The following CYP46A1 variants were observed in gnomAD, a reference collection of about 807,000 sequenced individuals.
CYP46A1 encodes cholesterol 24-hydroxylase.
Under a neutral mutation model 63.3 loss-of-function variants are expected in CYP46A1, and 20 were observed. That is an observed-to-expected ratio of 0.32 (90% CI 0.22 to 0.46). The LOEUF (loss-of-function observed/expected upper bound fraction) is 0.46. CYP46A1 is among the 20% of genes least tolerant of loss of function. The pLI, the probability that CYP46A1 is intolerant of heterozygous loss-of-function variation, is 1.00. For synonymous variants in CYP46A1, 268 were observed against 273.6 expected (o/e 0.98, Z 0.20); for missense variants, 445 against 670.8 (o/e 0.66, Z 3.72).
At chr14:99,711,599 C>T (rs1008266472) in intron 7 of CYP46A1, 1 of 152,062 alleles carries the variant, frequency 6.6e-6, no homozygotes, top group African/African-American at 2.4e-5. Context: ...AAAACCTGAA[C>T]AGACCAATGG....
intron 9 of CYP46A1, among the ~76,000 whole-genome samples, chr14:99,717,445 C>T (rs1422102140): frequency 6.6e-6 from 1 of 152,158 alleles, no homozygotes; most frequent in African/African-American, 2.4e-5. Flanking sequence ...TTCTCCCACC[C>T]TGCTCCCAGG....
intron 9 of CYP46A1, 84 bp downstream of exon 9, chr14:99,716,283 G>C: frequency 6.7e-7 from 1 of 1,482,916 alleles, no homozygotes; most frequent in Non-Finnish European, 9.4e-7. Context: ...AACTCTTTGG[G>C]ATTTTTTGGG....
At chr14:99,717,371 G>A (rs892883136) in intron 9 of CYP46A1, among the ~76,000 whole-genome samples, 1 of 152,254 alleles carries the variant, frequency 6.6e-6, no homozygotes, top group East Asian at 1.9e-4. Flanking sequence ...AACTGAGGCC[G>A]AGGAGGGAAG....
chr14:99,691,212 A>G, intron 2 of CYP46A1, 51 bp downstream of exon 2: 1 of 1,582,848 alleles, frequency 6.3e-7, no homozygotes, highest in Non-Finnish European at 8.7e-7. Context: ...CCCTTGGGGC[A>G]GCTCCCCCAA....
chr14:99,700,101 G>A lies in CYP46A1; in HGVS notation c.443G>A (p.Ser148Asn), dbSNP rs765829489. 43 of 1,594,372 alleles carry A rather than the reference G, an allele frequency of 2.7e-5. No individual in the cohort carries two copies. Among genetic ancestry groups the A allele is most frequent in the Non-Finnish European group, 3.4e-5 (40 of 1,166,740 alleles). ...GTCATAGACCTGGCCTTCAGCCGGA[G>A]GTGAGTGTGGCCGGAGGCTCCGTGG... Reference protein sequence around the residue: ...RRVIDLAFSRSSLVSLMETFN... With the variant: ...RRVIDLAFSRNSLVSLMETFN... The change falls in exon 5 of 15, where the codon AGC becomes AAC. Residue 148 changes from serine (S) to asparagine (N), a missense_variant and splice_region_variant. Coordinates refer to ENST00000261835, the MANE Select transcript of CYP46A1 (RefSeq NM_006668.2).
chr14:99,707,750 C>A, intron 7 of CYP46A1, 72 bp downstream of exon 7: 3 of 1,313,070 alleles, frequency 2.3e-6, no homozygotes, highest in Non-Finnish European at 2.1e-6. Flanking sequence ...GAACCTCCTT[C>A]AGTGATTTTT....
intron 5 of CYP46A1, among the ~76,000 whole-genome samples, chr14:99,701,268 T>A (rs2056628443): frequency 6.6e-6 from 1 of 152,216 alleles, no homozygotes; most frequent in Non-Finnish European, 1.5e-5. Flanking sequence ...CGTGCAGTAA[T>A]GTCCTAGGCC....
Position 99,727,031 on chromosome 14 carries a change from A to T in CYP46A1, c.*304A>T, listed in dbSNP as rs2056910030. 1 of 326,184 alleles carries T rather than the reference A, an allele frequency of 3.1e-6. No homozygotes were observed. Among genetic ancestry groups the T allele is most frequent in the African/African-American group, 2.1e-5 (1 of 46,652 alleles). 20.2% of individuals were successfully genotyped at this position (326,184 alleles called of 1,614,324 possible). On this transcript the variant is annotated 3_prime_UTR_variant, in exon 15 of 15. Coordinates refer to ENST00000261835, the MANE Select transcript of CYP46A1 (RefSeq NM_006668.2). ...CACCCTAACTCTTGCTCACTCCCTA[A>T]AGCCCTCTTCAGGGGTCACCTCCTC...
intron 7 of CYP46A1, chr14:99,708,332 C>A (rs2056698595): frequency 6.2e-6 from 1 of 160,318 alleles, no homozygotes; most frequent in South Asian, 1.5e-4. Context: ...CCAGCGCCTG[C>A]CACTGAGAGG....
chr14:99,721,872 CAG>C (rs2056850092), intron 11 of CYP46A1, 82 bp from the exon 12 acceptor site: 5 of 1,127,372 alleles, frequency 4.4e-6, no homozygotes, highest in East Asian at 2.4e-5. Context: ...GTGGGAAAGA[CAG>C]GGGTCCCAGG....
intron 3 of CYP46A1, among the ~76,000 whole-genome samples, chr14:99,698,735 C>G (rs1231364696): frequency 6.6e-6 from 1 of 152,166 alleles, no homozygotes; most frequent in African/African-American, 2.4e-5. Context: ...GGATGCTGAG[C>G]CCAGATCCAA....
intron 4 of CYP46A1, 25 bp from the exon 5 acceptor site, chr14:99,699,990 C>T (rs755387140): frequency 3.1e-5 from 26 of 842,744 alleles, no homozygotes; most frequent in Admixed American, 8.5e-5. Flanking sequence ...CCCTCTTTCC[C>T]GCATCACGTG....
intron 3 of CYP46A1, among the ~76,000 whole-genome samples, chr14:99,692,774 G>C (rs2056554879): frequency 6.6e-6 from 1 of 151,980 alleles, no homozygotes; most frequent in Non-Finnish European, 1.5e-5. Flanking sequence ...AAGTTGCAGT[G>C]AGCTGAGATC....
chr14:99,726,624 G>A lies in CYP46A1; in HGVS notation c.1400G>A (p.Arg467His), dbSNP rs1452448052. 1.9e-6 allele frequency: 3 copies of A among 1,567,502 alleles called. No individual in the cohort carries two copies. The highest frequency in any genetic ancestry group is 2.6e-6 in the Non-Finnish European group (3 of 1,158,696). Residue 467 changes from arginine (R) to histidine (H), a missense_variant, in exon 15 of 15, where the codon CGC becomes CAC. Around this residue, in one of 4 missense-constraint regions of CYP46A1, gnomAD observed 85 missense variants for 80.1 expected, o/e 1.06. Coordinates refer to ENST00000261835, the MANE Select transcript of CYP46A1 (RefSeq NM_006668.2). ...GAGTTCCGGCTGGTGCCCGGGCAGC[G>A]CTTCGGGCTGCAGGAGCAGGCCACA... ...RLEFRLVPGQ[R>H]FGLQEQATLK...
chr14:99,688,327 C>T (rs970600595), intron 1 of CYP46A1, among the ~76,000 whole-genome samples: 32 of 152,178 alleles, frequency 2.1e-4, no homozygotes, highest in African/African-American at 7.5e-4. Flanking sequence ...TTCCCCAGGG[C>T]GTTTATTCGC....
intron 3 of CYP46A1, 123 bp downstream of exon 3, chr14:99,691,984 C>A: frequency 1.0e-6 from 1 of 969,306 alleles, no homozygotes; most frequent in South Asian, 1.5e-5. Flanking sequence ...GCTGGTTTCC[C>A]AAAGATCCAG....
chr14:99,716,344 A>G (rs2056790479), intron 9 of CYP46A1, 145 bp downstream of exon 9: 1 of 785,380 alleles, frequency 1.3e-6, no homozygotes, highest in Non-Finnish European at 2.1e-6. Flanking sequence ...TGAAGGGAGC[A>G]GAAGCCCCAT....
chr14:99,717,755 T>C, intron 9 of CYP46A1: 1 of 358,588 alleles, frequency 2.8e-6, no homozygotes, highest in Non-Finnish European at 5.1e-6. Context: ...CCCTGCATCC[T>C]GGGAAGGCGA....
At chr14:99,696,151 C>T (rs2056585934) in intron 3 of CYP46A1, among the ~76,000 whole-genome samples, 1 of 152,076 alleles carries the variant, frequency 6.6e-6, no homozygotes, top group Admixed American at 6.6e-5. Context: ...TTAAATCTAC[C>T]ATGTTACTGT....
Sources: allele counts gnomAD v4.1 joint callset (sites outside exome capture counted in the v4.1 genomes callset), GRCh38; gene constraint gnomAD v4.1.1; regional missense constraint gnomAD v4.1.1; transcripts MANE v1.5; gene names NCBI Gene and HGNC (gene_info 2026-07-23, HGNC 2026-07-21).